The following NR3C2 variants were observed in gnomAD, a reference collection of about 807,000 sequenced individuals.
The protein encoded by NR3C2 is nuclear receptor subfamily 3 group C member 2, also known as mineralocorticoid receptor.
In NR3C2, 15 loss-of-function variants were observed where a neutral mutation model predicts 86.4. The observed-to-expected ratio is 0.17, with a 90% confidence interval of 0.12 to 0.27. The LOEUF is 0.27. Ranked by LOEUF, NR3C2 falls within the 10% of genes least tolerant of loss-of-function variation. The probability of loss-of-function intolerance (pLI) is 1.00; values close to 1 mark genes in which losing one functional copy is unlikely to be tolerated. For synonymous variants in NR3C2, 458 were observed against 450.5 expected, an observed-to-expected ratio of 1.02 and a Z score of -0.21; for missense variants, 960 against 1,195.6, an observed-to-expected ratio of 0.80 and a Z score of 2.91.
chr4:148,443,008 G>T, upstream of NR3C2: 11 of 984,192 alleles, frequency 1.1e-5, no homozygotes, highest in Non-Finnish European at 1.2e-5. Flanking sequence ...GTCCGCGCGC[G>T]GGGAGGACTC....
At chr4:148,441,774 T>TACAC (rs1244500281) in intron 1 of NR3C2, among the ~76,000 whole-genome samples, 29 of 152,326 alleles carry the variant, frequency 1.9e-4, no homozygotes, top group African/African-American at 7.0e-4. Context: ...CCTTATGCGC[T>TACAC]ACACCTCCGG....
chr4:148,435,021 A>C (rs1749967220), intron 2 of NR3C2, 83 bp downstream of exon 2: 2 of 1,321,910 alleles, frequency 1.5e-6, no homozygotes, highest in Non-Finnish European at 2.2e-6. Context: ...AAATGTGTTT[A>C]AATTTATCAA....
At chr4:148,177,471 C>A (rs1343589256) in intron 4 of NR3C2, among the ~76,000 whole-genome samples, 1 of 152,138 alleles carries the variant, frequency 6.6e-6, no homozygotes, top group Non-Finnish European at 1.5e-5. Context: ...GCTTCTCCAT[C>A]TTCACAATAA....
chr4:148,393,278 G>T (rs1027130838), intron 2 of NR3C2, among the ~76,000 whole-genome samples: 4 of 152,102 alleles, frequency 2.6e-5, no homozygotes, highest in African/African-American at 9.7e-5. Context: ...CTAGTCTGTG[G>T]GAATATTATC....
chr4:148,115,072 C>A (rs1404835744), intron 7 of NR3C2, among the ~76,000 whole-genome samples: 1 of 152,176 alleles, frequency 6.6e-6, no homozygotes. Context: ...GCTCTGCACG[C>A]AAGGCAAAAT....
chr4:148,284,942 T>C (rs1741439952), intron 2 of NR3C2, among the ~76,000 whole-genome samples: 1 of 152,234 alleles, frequency 6.6e-6, no homozygotes, highest in African/African-American at 2.4e-5. Flanking sequence ...TAGTAAAAGC[T>C]AACTATAACT....
chr4:148,323,390 G>A (rs1200257784), intron 2 of NR3C2, among the ~76,000 whole-genome samples: 2 of 148,414 alleles, frequency 1.3e-5, no homozygotes. Flanking sequence ...GCCTCCTTGA[G>A]CTGTGGTGGG....
At chr4:148,228,740 GAAC>G (rs1200797173) in intron 3 of NR3C2, among the ~76,000 whole-genome samples, 2 of 152,140 alleles carry the variant, frequency 1.3e-5, no homozygotes, top group African/African-American at 4.8e-5. Flanking sequence ...AAAGTCAAAA[GAAC>G]TACTGAAATT....
chr4:148,189,634 GTGAA>G (rs1313196971), intron 4 of NR3C2, among the ~76,000 whole-genome samples: 2 of 152,146 alleles, frequency 1.3e-5, no homozygotes, highest in African/African-American at 4.8e-5. Context: ...GAATTCTGCT[GTGAA>G]TCCATCTGGT....
intron 2 of NR3C2, among the ~76,000 whole-genome samples, chr4:148,326,178 G>A (rs569445543): frequency 6.7e-6 from 1 of 150,362 alleles, no homozygotes; most frequent in East Asian, 2.0e-4. Flanking sequence ...ATCACAAGGT[G>A]AGGAGATCGA....
intron 3 of NR3C2, among the ~76,000 whole-genome samples, chr4:148,251,112 A>AT (rs575558327): frequency 1.4e-3 from 214 of 151,828 alleles, no homozygotes; most frequent in African/African-American, 4.7e-3. Flanking sequence ...ACCACGCCTA[A>AT]TTTTTTGTTG....
At chr4:148,116,477 G>C (rs979944065) in intron 7 of NR3C2, among the ~76,000 whole-genome samples, 1 of 152,290 alleles carries the variant, frequency 6.6e-6, no homozygotes, top group African/African-American at 2.4e-5. Flanking sequence ...GAAGAGCAAA[G>C]AGACAACTGG....
chr4:148,171,513 C>A (rs905138338), intron 4 of NR3C2, among the ~76,000 whole-genome samples: 2 of 152,172 alleles, frequency 1.3e-5, no homozygotes, highest in African/African-American at 2.4e-5. Flanking sequence ...TGAAACTGTT[C>A]CACCTCAGAT....
chr4:148,138,623 A>G (rs1733462900), intron 6 of NR3C2, among the ~76,000 whole-genome samples: 3 of 152,216 alleles, frequency 2.0e-5, no homozygotes, highest in African/African-American at 7.2e-5. Flanking sequence ...AGCTCAAGCA[A>G]TCTGCCCACC....
chr4:148,184,280 C>T (rs889746785), intron 4 of NR3C2, among the ~76,000 whole-genome samples: 1 of 136,396 alleles, frequency 7.3e-6, no homozygotes, highest in Admixed American at 7.6e-5. Flanking sequence ...GAAACCCCAA[C>T]TCTACTAAAA....
chr4:148,387,049 G>A (rs1226587480), intron 2 of NR3C2, among the ~76,000 whole-genome samples: 1 of 152,172 alleles, frequency 6.6e-6, no homozygotes, highest in Non-Finnish European at 1.5e-5. Flanking sequence ...CAACCTCACT[G>A]CAGTTATGGA....
upstream of NR3C2, chr4:148,444,722 G>A (rs980457507): frequency 1.0e-6 from 1 of 985,178 alleles, no homozygotes; most frequent in Non-Finnish European, 1.2e-6. Flanking sequence ...TACAAGAGGC[G>A]GCGAGGCAGC....
chr4:148,298,721 G>A (rs1248255877), intron 2 of NR3C2, among the ~76,000 whole-genome samples: 1 of 152,182 alleles, frequency 6.6e-6, no homozygotes, highest in African/African-American at 2.4e-5. Flanking sequence ...GCTGATCAGA[G>A]TTCAACAAAG....
At chr4:148,383,230 T>G (rs756442183) in intron 2 of NR3C2, among the ~76,000 whole-genome samples, 3 of 152,196 alleles carry the variant, frequency 2.0e-5, no homozygotes, top group Non-Finnish European at 4.4e-5. Context: ...TTTTGAATGA[T>G]TTTTTAGAAT....
Sources: gnomAD v4.1 joint callset for allele counts (sites outside exome capture counted in the v4.1 genomes callset) on GRCh38, gnomAD v4.1.1 for gene constraint, MANE v1.5 for transcripts, NCBI Gene and HGNC (gene_info 2026-07-23, HGNC 2026-07-21) for gene names.